ZFP91: variants seen among roughly 807,000 people sequenced by gnomAD.
The protein encoded by ZFP91 is E3 ubiquitin-protein ligase ZFP91.
ZFP91 carries 7 observed loss-of-function variants against 63.5 expected under a neutral mutation model. That is an observed-to-expected ratio of 0.11 (90% CI 0.06 to 0.21). ZFP91 has a LOEUF of 0.21. Ranked by LOEUF, ZFP91 falls within the 10% of genes least tolerant of loss-of-function variation. The probability of loss-of-function intolerance (pLI) is 1.00; values close to 1 mark genes in which losing one functional copy is unlikely to be tolerated. For missense variants in ZFP91, 628 were observed against 736.6 expected, an observed-to-expected ratio of 0.85 and a Z score of 1.71; for synonymous variants, 330 against 272.1, an observed-to-expected ratio of 1.21 and a Z score of -2.10.
chr11:58,611,858 C>T, intron 6 of ZFP91, 120 bp downstream of exon 6: 1 of 1,314,542 alleles, frequency 7.6e-7, no homozygotes, highest in Non-Finnish European at 1.0e-6. Flanking sequence ...TATTTTTTAA[C>T]TTAAAAAAAT....
At chr11:58,595,572 C>CTTTTTTTTTTT (rs34767843) in intron 2 of ZFP91, among the ~76,000 whole-genome samples, 1 of 136,820 alleles carries the variant, frequency 7.3e-6, no homozygotes, top group African/African-American at 2.8e-5. Flanking sequence ...TAGTATCAAT[C>CTTTTTTTTTTT]TTTTTTTTTT....
At chr11:58,594,116 T>G (rs1013969131) in intron 2 of ZFP91, among the ~76,000 whole-genome samples, 2 of 152,196 alleles carry the variant, frequency 1.3e-5, no homozygotes, top group African/African-American at 4.8e-5. Context: ...ACCGTTCTGT[T>G]TAAACTCTGT....
At chr11:58,595,597 A>T (rs1346920600) in intron 2 of ZFP91, among the ~76,000 whole-genome samples, 2 of 140,590 alleles carry the variant, frequency 1.4e-5, no homozygotes, top group Non-Finnish European at 1.5e-5. Flanking sequence ...TTTGGTTTTG[A>T]GACGGGGTCG....
At chr11:58,605,740 A>G (rs1855560016) in intron 2 of ZFP91, among the ~76,000 whole-genome samples, 1 of 151,680 alleles carries the variant, frequency 6.6e-6, no homozygotes. Context: ...CTAGGTGGGG[A>G]TCTCTTTCAT....
intron 2 of ZFP91, among the ~76,000 whole-genome samples, chr11:58,586,411 G>A (rs1007353398): frequency 2.0e-5 from 3 of 152,002 alleles, no homozygotes; most frequent in African/African-American, 4.8e-5. Flanking sequence ...CAAGTGATCC[G>A]CCTGCCTCGT....
intron 2 of ZFP91, among the ~76,000 whole-genome samples, chr11:58,596,235 T>A (rs764025988): frequency 2.1e-4 from 32 of 152,176 alleles, no homozygotes; most frequent in Non-Finnish European, 3.8e-4. Context: ...TGTCCTCTTC[T>A]TCACATTGAG....
At chr11:58,585,741 A>G (rs1855197343) in intron 2 of ZFP91, among the ~76,000 whole-genome samples, 1 of 152,206 alleles carries the variant, frequency 6.6e-6, no homozygotes, top group South Asian at 2.1e-4. Flanking sequence ...TATGTATTAC[A>G]TGTACATGAG....
chr11:58,616,131 G>A (rs1159949619), intron 9 of ZFP91, among the ~76,000 whole-genome samples: 1 of 152,206 alleles, frequency 6.6e-6, no homozygotes, highest in Non-Finnish European at 1.5e-5. Context: ...GGAGAATAAG[G>A]TAAAGTAGTA....
chr11:58,596,058 A>G (rs1855396295), intron 2 of ZFP91, among the ~76,000 whole-genome samples: 1 of 152,212 alleles, frequency 6.6e-6, no homozygotes. Context: ...GTTGACCAGA[A>G]GCTTTATCAA....
In ZFP91 at chr11:58,620,983, A is replaced by T. The variant is rs1433831657; in HGVS notation, c.*3277A>T. 3 of 152,636 alleles carry T rather than the reference A, an allele frequency of 2.0e-5. No individual in the cohort carries two copies. Among genetic ancestry groups the T allele is most frequent in the African/African-American group, 7.2e-5 (3 of 41,454 alleles). 9.5% of individuals were successfully genotyped at this position (152,636 alleles called of 1,614,324 possible). ...TCAAATCTTTGTTTTCTCTTATTCT[A>T]GGTAAGGCATATTAAAAATAAATAT... On this transcript the variant is annotated 3_prime_UTR_variant, in exon 11 of 11. Transcript: ENST00000316059.
Position 58,612,752 on chromosome 11 carries a change from T to A in ZFP91, c.909-10T>A. 1.2e-6 allele frequency: 2 copies of A among 1,604,132 alleles called. No homozygotes were observed. The highest frequency in any genetic ancestry group is 1.7e-6 in the Non-Finnish European group (2 of 1,176,816). ...TTTTTGCTAACTTTTCTTCTGCATT[T>A]TGATAATAGAAAAAAGCCTCCAATC... On this transcript the variant is annotated splice_polypyrimidine_tract_variant and intron_variant, in intron 7 of 10. Coordinates refer to ENST00000316059, the MANE Select transcript of ZFP91 (RefSeq NM_053023.5).
At position 58,610,338 on chromosome 11, in the gene ZFP91, A is replaced by G; in HGVS notation, c.617+4A>G. On this transcript the variant is annotated splice_donor_region_variant and intron_variant, in intron 4 of 10. Coordinates refer to ENST00000316059, the MANE Select transcript of ZFP91 (RefSeq NM_053023.5). ...ATCAGTCTCCAGGTGGCATTAGGTA[A>G]AAAAAACATTAATATTTCATTTTTA... is the stretch of plus-strand genomic sequence containing the variant. The G allele has an allele frequency of 6.3e-6, 10 of 1,584,674 alleles. No homozygotes were observed. Among genetic ancestry groups the G allele is most frequent in the Non-Finnish European group, 8.5e-6 (10 of 1,172,054 alleles).
chr11:58,605,050 A>C (rs1457811858), intron 2 of ZFP91, among the ~76,000 whole-genome samples: 1 of 152,114 alleles, frequency 6.6e-6, no homozygotes, highest in African/African-American at 2.4e-5. Flanking sequence ...CTTGTGTTGC[A>C]GATATATAGC....
intron 9 of ZFP91, among the ~76,000 whole-genome samples, chr11:58,615,145 A>G (rs781264496): frequency 3.9e-5 from 6 of 152,352 alleles, no homozygotes; most frequent in South Asian, 2.1e-4. Flanking sequence ...AAGGATACCA[A>G]TATCAGTTAT....
At chr11:58,594,571 A>C (rs190172997) in intron 2 of ZFP91, among the ~76,000 whole-genome samples, 3 of 152,312 alleles carry the variant, frequency 2.0e-5, no homozygotes, top group Middle Eastern at 3.4e-3. Context: ...TTGCTCCAAA[A>C]TTTTAATATC....
chr11:58,613,443 G>T (rs1855699876), intron 8 of ZFP91, among the ~76,000 whole-genome samples: 1 of 152,100 alleles, frequency 6.6e-6, no homozygotes, highest in Non-Finnish European at 1.5e-5. Context: ...TCCAACACAT[G>T]AACTGTGGTG....
At chr11:58,595,798 A>T (rs1182420507) in intron 2 of ZFP91, among the ~76,000 whole-genome samples, 2 of 152,098 alleles carry the variant, frequency 1.3e-5, no homozygotes, top group Non-Finnish European at 2.9e-5. Context: ...GCTGGTCTGG[A>T]ACTCCTGACC....
chr11:58,611,695 G>C lies in ZFP91; in HGVS notation c.814G>C (p.Glu272Gln). The C allele has an allele frequency of 6.2e-7, 1 of 1,612,180 alleles. No homozygotes were observed. The highest frequency in any genetic ancestry group is 8.5e-7 in the Non-Finnish European group (1 of 1,179,006). ...AGTGGAAGTAGAGGTGGAGGTGAAA[G>C]AAGAGGAGAATGAAATTAGAGAGGA... ...IKVEVEVEVK[E>Q]EENEIREDEE... The change falls in exon 6 of 11, where the codon GAA becomes CAA. Residue 272 changes from glutamate to glutamine, a missense_variant. Transcript: ENST00000316059.
intron 9 of ZFP91, among the ~76,000 whole-genome samples, chr11:58,616,249 C>A (rs1299177900): frequency 6.6e-6 from 1 of 152,044 alleles, no homozygotes. Context: ...ACCTTTAGAT[C>A]AGTTTTCTTC....
Sources: gnomAD v4.1 joint callset for allele counts (sites outside exome capture counted in the v4.1 genomes callset) on GRCh38, gnomAD v4.1.1 for gene constraint, MANE v1.5 for transcripts, NCBI Gene and HGNC (gene_info 2026-07-23, HGNC 2026-07-21) for gene names.